Variants in PTPRD observed in about 807,000 individuals in gnomAD.
PTPRD encodes the protein protein tyrosine phosphatase receptor type D.
Under a neutral mutation model 214.5 loss-of-function variants are expected in PTPRD, and 34 were observed. That is an observed-to-expected ratio of 0.16 (90% confidence interval 0.12 to 0.21). PTPRD has a LOEUF of 0.21. Among genes scored for constraint, PTPRD ranks in the 10% least tolerant of loss-of-function variants. The pLI is 1.00. For missense variants in PTPRD, 2,545 were observed against 2,398.7 expected (o/e 1.06, Z -1.27); for synonymous variants, 1,128 against 845.7 (o/e 1.33, Z -5.79).
At chr9:10,289,619 A>G (rs2095471849) in intron 3 of PTPRD, among the ~76,000 whole-genome samples, 1 of 152,198 alleles carries the variant, frequency 6.6e-6, no homozygotes, top group Non-Finnish European at 1.5e-5. Context: ...AAGAAGAGAA[A>G]AAGAAAAAGA....
At chr9:8,530,416 A>G (rs1020876915) in intron 14 of PTPRD, among the ~76,000 whole-genome samples, 4 of 152,096 alleles carry the variant, frequency 2.6e-5, no homozygotes, top group Non-Finnish European at 5.9e-5. Flanking sequence ...CCACGCAGCC[A>G]AAGTCACCTT....
rs571638148 is a variant in PTPRD at position 8,791,870 on chromosome 9, G to A, written c.-103-57924C>T. 1.4e-4 allele frequency among the ~76,000 whole-genome samples: 21 copies of A among 152,142 alleles called. No homozygotes were observed. In the South Asian group the frequency reaches 4.2e-3, roughly 30 times the overall value. On this transcript the variant is annotated intron_variant, in intron 11 of 45. Coordinates refer to ENST00000381196, the MANE Select transcript of PTPRD (RefSeq NM_002839.4). Reference sequence around the variant, plus strand: ...TTTCAAAATGATCAAATCAAAATGCGGGAAAACAATGTGTTTTAAGGCCAG... The same window carrying A: ...TTTCAAAATGATCAAATCAAAATGCAGGAAAACAATGTGTTTTAAGGCCAG...
intron 2 of PTPRD, among the ~76,000 whole-genome samples, chr9:10,404,199 C>G (rs1434235250): frequency 1.3e-5 from 2 of 151,694 alleles, no homozygotes; most frequent in Admixed American, 1.3e-4. Context: ...AAATAATAAA[C>G]AAACAAACAA....
chr9:9,806,695 C>A (rs1326041589), intron 5 of PTPRD, among the ~76,000 whole-genome samples: 1 of 152,132 alleles, frequency 6.6e-6, no homozygotes, highest in African/African-American at 2.4e-5. Flanking sequence ...CCTGCTCAGG[C>A]GGTCTCTTAT....
intron 2 of PTPRD, among the ~76,000 whole-genome samples, chr9:10,360,990 T>A (rs575216603): frequency 2.6e-5 from 4 of 151,944 alleles, no homozygotes; most frequent in Admixed American, 2.6e-4. Flanking sequence ...TAGTCCCAGC[T>A]ACTCGGGAGG....
intron 3 of PTPRD, among the ~76,000 whole-genome samples, chr9:10,335,886 G>C (rs1337986880): frequency 6.6e-6 from 1 of 151,734 alleles, no homozygotes; most frequent in Non-Finnish European, 1.5e-5. Context: ...AAACAACATA[G>C]AGATATCAGT....
chr9:9,203,184 C>T (rs887927887), intron 9 of PTPRD, among the ~76,000 whole-genome samples: 1 of 151,878 alleles, frequency 6.6e-6, no homozygotes, highest in Non-Finnish European at 1.5e-5. Context: ...GAGCCGAGAT[C>T]GCACCATTAT....
intron 14 of PTPRD, among the ~76,000 whole-genome samples, chr9:8,602,831 A>G (rs1009605349): frequency 9.8e-5 from 15 of 152,352 alleles, no homozygotes; most frequent in African/African-American, 2.4e-4. Context: ...ATATCTTTCT[A>G]TATCTGTATC....
chr9:9,824,089 C>A (rs2051794225), intron 5 of PTPRD, among the ~76,000 whole-genome samples: 1 of 151,824 alleles, frequency 6.6e-6, no homozygotes, highest in African/African-American at 2.4e-5. Context: ...ATAAAATTAT[C>A]TTCAGTCTAT....
chr9:8,957,950 G>A (rs902876497), intron 11 of PTPRD, among the ~76,000 whole-genome samples: 1 of 103,052 alleles, frequency 9.7e-6, no homozygotes, highest in African/African-American at 3.4e-5. Flanking sequence ...ACCTTAGAGT[G>A]CATTTAGATC....
chr9:8,738,261 G>C (rs1260373755), intron 11 of PTPRD, among the ~76,000 whole-genome samples: 1 of 152,180 alleles, frequency 6.6e-6, no homozygotes, highest in Non-Finnish European at 1.5e-5. Flanking sequence ...ATCACATAAA[G>C]TGACACCTAT....
chr9:8,501,270 A>C (rs1209251155), intron 23 of PTPRD, among the ~76,000 whole-genome samples: 1 of 152,230 alleles, frequency 6.6e-6, no homozygotes, highest in Admixed American at 6.5e-5. Flanking sequence ...ATGACCAAAA[A>C]TAATTGTTAA....
intron 2 of PTPRD, among the ~76,000 whole-genome samples, chr9:10,351,543 T>A (rs1268448041): frequency 1.3e-5 from 2 of 151,964 alleles, no homozygotes; most frequent in South Asian, 2.1e-4. Flanking sequence ...CACGTTGGAG[T>A]CAATCATAGC....
chr9:8,372,471 T>C (rs1411575522), intron 39 of PTPRD, among the ~76,000 whole-genome samples: 4 of 151,998 alleles, frequency 2.6e-5, no homozygotes, highest in African/African-American at 9.7e-5. Context: ...ATTTTACAGG[T>C]GAAGAAACAG....
chr9:9,315,157 C>CT (rs1214794570), intron 9 of PTPRD, among the ~76,000 whole-genome samples: 9 of 152,014 alleles, frequency 5.9e-5, no homozygotes, highest in Non-Finnish European at 1.2e-4. Flanking sequence ...CTTTGTAGCT[C>CT]TTTTTCAGCA....
chr9:10,139,338 T>C (rs2098965839), intron 3 of PTPRD, among the ~76,000 whole-genome samples: 1 of 151,892 alleles, frequency 6.6e-6, no homozygotes, highest in East Asian at 1.9e-4. Flanking sequence ...AAAAAAACTC[T>C]ACAAGTAGAA....
chr9:9,947,586 TTA>T (rs1454235629), intron 4 of PTPRD, among the ~76,000 whole-genome samples: 12 of 48,992 alleles, frequency 2.4e-4, no homozygotes, highest in Admixed American at 7.0e-4. Flanking sequence ...TATATATATA[TTA>T]TATATATAAT....
rs77913572 is a variant in PTPRD, at chr9:9,412,361, T to C, written c.-236-14879A>G. ...ACTGAAATTGTTGCCTAATTTTCTA[T>C]GTATGTAGCTTCCTGTCACTTGACT... On this transcript the variant is annotated intron_variant, in intron 8 of 45. Coordinates refer to ENST00000381196, the MANE Select transcript of PTPRD (RefSeq NM_002839.4). Among the ~76,000 whole-genome samples the C allele has an allele frequency of 5.4e-3, 820 of 152,320 alleles. 7 individuals carry two copies. The highest frequency in any genetic ancestry group is 0.018 in the African/African-American group (755 of 41,566).
chr9:8,572,726 T>C (rs1173931544), intron 14 of PTPRD, among the ~76,000 whole-genome samples: 3 of 152,028 alleles, frequency 2.0e-5, no homozygotes, highest in African/African-American at 7.2e-5. Context: ...GTGTTACTCC[T>C]TAACTTGAAA....
Sources: gnomAD v4.1 joint callset for allele counts (sites outside exome capture counted in the v4.1 genomes callset) on GRCh38, gnomAD v4.1.1 for gene constraint, MANE v1.5 for transcripts, NCBI Gene and HGNC (gene_info 2026-07-23, HGNC 2026-07-21) for gene names.